Variants in DLEU7 observed in about 807,000 individuals in gnomAD.
DLEU7 encodes leukemia-associated protein 7.
Under a neutral mutation model 16.0 loss-of-function variants are expected in DLEU7, and 17 were observed. That is an observed-to-expected ratio of 1.06 (90% CI 0.73 to 1.59). The LOEUF (loss-of-function observed/expected upper bound fraction) is 1.59, where lower values mean the gene tolerates loss of function less well. DLEU7 is among the 40% of genes most tolerant of loss of function. The probability of loss-of-function intolerance (pLI) is 0.00; values close to 1 mark genes in which losing one functional copy is unlikely to be tolerated. For missense variants in DLEU7, 308 were observed against 314.9 expected, an observed-to-expected ratio of 0.98 and a Z score of 0.17; for synonymous variants, 113 against 139.8, an observed-to-expected ratio of 0.81 and a Z score of 1.35.
intron 1 of DLEU7, among the ~76,000 whole-genome samples, chr13:50,729,913 AAACTT>A (rs1388037506): frequency 2.6e-5 from 4 of 152,056 alleles, no homozygotes; most frequent in Admixed American, 6.6e-5. Flanking sequence ...GGACTCCCTG[AAACTT>A]AACTTATCGT....
At chr13:50,739,910 T>C (rs1023470957) in intron 1 of DLEU7, among the ~76,000 whole-genome samples, 8 of 152,118 alleles carry the variant, frequency 5.3e-5, no homozygotes, top group Non-Finnish European at 8.8e-5. Context: ...GAAATGATTC[T>C]AGATGCCTAG....
chr13:50,791,444 G>A (rs1875957444), intron 1 of DLEU7, among the ~76,000 whole-genome samples: 1 of 152,130 alleles, frequency 6.6e-6, no homozygotes, highest in Admixed American at 6.5e-5. Context: ...GGCCTTCTGG[G>A]TCTGGGGAGC....
At chr13:50,747,193 T>A (rs1874424057) in intron 1 of DLEU7, among the ~76,000 whole-genome samples, 1 of 152,138 alleles carries the variant, frequency 6.6e-6, no homozygotes. Context: ...CTCAAGTTAC[T>A]GTGGCTGTAA....
At chr13:50,835,901 T>A (rs1877443124) in intron 1 of DLEU7, among the ~76,000 whole-genome samples, 1 of 152,222 alleles carries the variant, frequency 6.6e-6, no homozygotes, top group Non-Finnish European at 1.5e-5. Context: ...ACTGGAGTCT[T>A]GAAGACAAGA....
At chr13:50,773,072 T>C (rs1381024404) in intron 1 of DLEU7, among the ~76,000 whole-genome samples, 1 of 152,190 alleles carries the variant, frequency 6.6e-6, no homozygotes, top group Non-Finnish European at 1.5e-5. Context: ...TACTGAAACT[T>C]GTGCATGCGT....
At chr13:50,746,444 T>A (rs1307270833) in intron 1 of DLEU7, among the ~76,000 whole-genome samples, 1 of 152,194 alleles carries the variant, frequency 6.6e-6, no homozygotes. Flanking sequence ...ATCACAGGTG[T>A]CAATGGATAA....
chr13:50,802,979 G>A (rs1876290731), intron 1 of DLEU7, among the ~76,000 whole-genome samples: 2 of 152,080 alleles, frequency 1.3e-5, no homozygotes, highest in Non-Finnish European at 2.9e-5. Flanking sequence ...ACTTCATTGT[G>A]TAATGTTTCA....
chr13:50,842,932 G>T (rs1422514208), intron 1 of DLEU7, among the ~76,000 whole-genome samples: 1 of 152,106 alleles, frequency 6.6e-6, no homozygotes, highest in Non-Finnish European at 1.5e-5. Flanking sequence ...AGTTCCAGGG[G>T]GAGGTTTTGG....
At chr13:50,841,998 G>A (rs145404648) in intron 1 of DLEU7, among the ~76,000 whole-genome samples, 41 of 151,654 alleles carry the variant, frequency 2.7e-4, no homozygotes, top group East Asian at 5.8e-4. Context: ...ATCAACTTGC[G>A]GCGAGGAATA....
At chr13:50,797,865 G>GA (rs1185170487) in intron 1 of DLEU7, among the ~76,000 whole-genome samples, 1 of 152,182 alleles carries the variant, frequency 6.6e-6, no homozygotes, top group Non-Finnish European at 1.5e-5. Context: ...GGGCCACAGA[G>GA]AAATTGTAAG....
intron 1 of DLEU7, among the ~76,000 whole-genome samples, chr13:50,768,129 A>G (rs1875175310): frequency 6.6e-6 from 1 of 152,188 alleles, no homozygotes; most frequent in Non-Finnish European, 1.5e-5. Context: ...GCCAAAGAAC[A>G]TCTGTGAGGC....
At chr13:50,723,986 C>A (rs934056617) in intron 1 of DLEU7, among the ~76,000 whole-genome samples, 1 of 151,744 alleles carries the variant, frequency 6.6e-6, no homozygotes, top group Non-Finnish European at 1.5e-5. Context: ...GAACTTTTTT[C>A]TTTTTGTTTC....
intron 1 of DLEU7, among the ~76,000 whole-genome samples, chr13:50,771,140 C>G (rs1454120907): frequency 1.3e-5 from 2 of 152,058 alleles, no homozygotes; most frequent in African/African-American, 4.8e-5. Context: ...TTTATTGTGT[C>G]TATTTGATTC....
rs759042266 is a variant in DLEU7, at chr13:50,843,502, C to A, written c.145G>T (p.Ala49Ser). 2 of 1,395,094 alleles carry A rather than the reference C, an allele frequency of 1.4e-6. No homozygotes were observed. 86.4% of individuals were successfully genotyped at this position (1,395,094 alleles called of 1,614,324 possible). A position where few individuals can be genotyped will look rare whatever the true frequency, so the allele number is the denominator to read the frequency against. Residue 49 changes from alanine to serine, a missense_variant, in exon 1 of 2, where the codon GCT (alanine) becomes TCT (serine). Transcript: ENST00000504404. This position sits in a 1 kb window ranked among gnomAD's most constrained non-coding sequence, Gnocchi z 5.7. Reference protein sequence around the residue: ...NPRDPDHVSTAPARRSGPPRA... With the variant: ...NPRDPDHVSTSPARRSGPPRA... The stretch of plus-strand genomic sequence containing the variant: ...GGCGGGCCTGAGCGACGGGCTGGAG[C>A]GGTGGACACGTGGTCTGGGTCCCGC...
upstream of DLEU7, chr13:50,843,829 T>C (rs995789717): frequency 1.3e-6 from 1 of 764,662 alleles, no homozygotes. This position sits in a 1 kb window ranked among gnomAD's most constrained non-coding sequence, Gnocchi z 5.7. Flanking sequence ...GCCTCTGCCT[T>C]CGCCTGAAGT....
In DLEU7 at chr13:50,843,457, C is replaced by T; in HGVS notation, c.190G>A (p.Gly64Arg). The change falls in exon 1 of 2, where the codon GGG becomes AGG. Residue 64 changes from glycine (G) to arginine (R), a missense_variant. Physicochemically the swap from Gly to Arg is moderately radical, Grantham distance 125 (BLOSUM62 -2). Coordinates refer to ENST00000504404, the MANE Select transcript of DLEU7 (RefSeq NM_001306135.2). The surrounding 1 kb of genome is among the most constrained non-coding windows in gnomAD (Gnocchi z 5.7). ...ACGCCCCCGCCCCGCTCCTCGCGCC[C>T]GGGCCCCGGCCGGGCCCGCGGCGGG... ...SGPPRARPGP[G>R]REERGGGVGT... 7.6e-7 allele frequency: 1 copy of T among 1,322,610 alleles called. No individual in the cohort carries two copies. Among genetic ancestry groups the T allele is most frequent in the Non-Finnish European group, 9.6e-7 (1 of 1,043,608 alleles). The allele number at this position is 1,322,610 out of a possible 1,614,324, so 81.9% of individuals were successfully genotyped here.
intron 1 of DLEU7, among the ~76,000 whole-genome samples, chr13:50,767,110 A>G (rs1366774928): frequency 6.6e-6 from 1 of 152,216 alleles, no homozygotes; most frequent in Admixed American, 6.5e-5. Context: ...TGAGAACAAC[A>G]TCTATACATT....
chr13:50,829,793 C>T (rs1877204737), intron 1 of DLEU7, among the ~76,000 whole-genome samples: 1 of 152,124 alleles, frequency 6.6e-6, no homozygotes, highest in African/African-American at 2.4e-5. Context: ...CAGGTGTGTG[C>T]TTCTCTACCA....
chr13:50,788,659 G>A (rs1330537264), intron 1 of DLEU7, among the ~76,000 whole-genome samples: 2 of 152,130 alleles, frequency 1.3e-5, no homozygotes, highest in Non-Finnish European at 2.9e-5. Flanking sequence ...AATATTACAA[G>A]GGAATAAATA....
Sources: gnomAD v4.1 joint callset for allele counts (sites outside exome capture counted in the v4.1 genomes callset) on GRCh38, gnomAD v4.1.1 for gene constraint, Gnocchi (gnomAD v3.1) non-coding constraint, MANE v1.5 for transcripts, NCBI Gene and HGNC (gene_info 2026-07-23, HGNC 2026-07-21) for gene names.